The following PRPF6 variants were observed in gnomAD, a reference collection of about 807,000 sequenced individuals.
PRPF6 encodes pre-mRNA processing factor 6, also known as pre-mRNA-processing factor 6.
Under a neutral mutation model 118.3 loss-of-function variants are expected in PRPF6, and 42 were observed. The observed-to-expected ratio is 0.35, with a 90% CI of 0.28 to 0.46. The LOEUF (loss-of-function observed/expected upper bound fraction) is 0.46, where lower values mean the gene tolerates loss of function less well. Among genes scored for constraint, PRPF6 ranks in the 20% least tolerant of loss-of-function variants. The pLI, the probability that PRPF6 is intolerant of heterozygous loss-of-function variation, is 1.00. For missense variants in PRPF6, 662 were observed against 1,255.7 expected (o/e 0.53, Z 7.15); for synonymous variants, 481 against 485.1 (o/e 0.99, Z 0.11).
rs2059290010 is a variant in PRPF6 at position 64,026,228 on chromosome 20, C to CGGGCGCGGTGGCT, written c.2028+171_2028+183dup. On this transcript the variant is annotated intron_variant, in intron 15 of 20. Transcript: ENST00000266079. This position sits in a 1 kb window ranked among gnomAD's most constrained non-coding sequence, Gnocchi z 4.4. ...CATTCATGTGGCCGGGCGTGGTGGC[C>CGGGCGCGGTGGCT]GGGCGCGGTGGCTCACGCCTGTAAT... Among the ~76,000 whole-genome samples the CGGGCGCGGTGGCT allele has an allele frequency of 6.6e-6, 1 of 151,542 alleles. No homozygotes were observed. Among genetic ancestry groups the CGGGCGCGGTGGCT allele is most frequent in the South Asian group, 2.1e-4 (1 of 4,804 alleles).
At chr20:63,996,507 G>T (rs2059141752) in intron 6 of PRPF6, among the ~76,000 whole-genome samples, 2 of 152,162 alleles carry the variant, frequency 1.3e-5, no homozygotes, top group Admixed American at 1.3e-4. Context: ...TTGAGATGGG[G>T]TGTCACTAGG....
chr20:63,990,101 G>A (rs1247090781), intron 3 of PRPF6, among the ~76,000 whole-genome samples: 2 of 151,856 alleles, frequency 1.3e-5, no homozygotes, highest in African/African-American at 4.8e-5. Context: ...TGATCCACCC[G>A]CCTCAGCCTC....
rs376534500 is a variant in PRPF6, at chr20:64,024,319, C to G, written c.1770-236C>G. Among the ~76,000 whole-genome samples the G allele has an allele frequency of 6.1e-3, 922 of 152,324 alleles. 23 individuals carry two copies. The South Asian group carries it at 0.074, about 12-fold the overall frequency. On this transcript the variant is annotated intron_variant, in intron 13 of 20. Coordinates refer to ENST00000266079, the MANE Select transcript of PRPF6 (RefSeq NM_012469.4). ...TCTTGTGAAGTTCGTCTCTCCAGCT[C>G]TGCTATTTAAACAATGCATTCCTTT... is the stretch of plus-strand genomic sequence containing the variant.
In PRPF6 at chr20:64,027,181, G is replaced by A. The variant is rs1243431744; in HGVS notation, c.2205+23G>A. ...GGGGTACGTCTCTGCCTGCACCCTGGGGCTGCAGCTGACCCGGCATTCACA... is the reference window on the plus strand; with the variant it reads ...GGGGTACGTCTCTGCCTGCACCCTGAGGCTGCAGCTGACCCGGCATTCACA... On this transcript the variant is annotated intron_variant, in intron 16 of 20. Coordinates refer to ENST00000266079, the MANE Select transcript of PRPF6 (RefSeq NM_012469.4). The surrounding 1 kb of genome is among the most constrained non-coding windows in gnomAD (Gnocchi z 6.5). The A allele has an allele frequency of 6.2e-7, 1 of 1,611,892 alleles. No individual in the cohort carries two copies. Among genetic ancestry groups the A allele is most frequent in the Non-Finnish European group, 8.5e-7 (1 of 1,179,766 alleles).
chr20:64,013,773 A>G (rs2059225848), intron 11 of PRPF6, among the ~76,000 whole-genome samples: 2 of 152,128 alleles, frequency 1.3e-5, no homozygotes, highest in South Asian at 2.1e-4. Flanking sequence ...CTAGCGTTCT[A>G]CAGAATCCAC....
intron 3 of PRPF6, among the ~76,000 whole-genome samples, 143 bp from the exon 4 acceptor site, chr20:63,993,254 GTGTGTGTGTA>G (rs1343069796): frequency 1.3e-4 from 18 of 140,172 alleles, no homozygotes; most frequent in South Asian, 1.2e-3. Flanking sequence ...GTGTGTGTGT[GTGTGTGTGTA>G]TATGTATATA....
chr20:64,027,176 C>T lies in PRPF6; in HGVS notation c.2205+18C>T. ...ACCAGGGGGTACGTCTCTGCCTGCA[C>T]CCTGGGGCTGCAGCTGACCCGGCAT... On this transcript the variant is annotated intron_variant, in intron 16 of 20. Transcript: ENST00000266079. The surrounding 1 kb of genome is among the most constrained non-coding windows in gnomAD (Gnocchi z 6.5). 4 of 1,612,328 alleles carry T rather than the reference C, an allele frequency of 2.5e-6. No individual in the cohort carries two copies. Among genetic ancestry groups the T allele is most frequent in the Non-Finnish European group, 3.4e-6 (4 of 1,179,860 alleles).
intron 9 of PRPF6, among the ~76,000 whole-genome samples, chr20:64,002,585 C>G (rs1343332098): frequency 6.6e-6 from 1 of 151,972 alleles, no homozygotes; most frequent in East Asian, 1.9e-4. Context: ...ATCCTCCTGC[C>G]TTGGCCTCCC....
intron 9 of PRPF6, among the ~76,000 whole-genome samples, chr20:64,009,709 G>A (rs1433275777): frequency 6.6e-6 from 1 of 152,198 alleles, no homozygotes; most frequent in Middle Eastern, 3.2e-3. Context: ...GCAATAGAAT[G>A]AGACTCTGTC....
At chr20:64,023,276 TGGG>T (rs1359326035) in intron 13 of PRPF6, among the ~76,000 whole-genome samples, 10 of 152,232 alleles carry the variant, frequency 6.6e-5, no homozygotes, top group Non-Finnish European at 1.5e-4. Context: ...GTGCTGGCTT[TGGG>T]TTTTGACTGG....
At chr20:64,018,971 T>C (rs2059251401) in intron 12 of PRPF6, among the ~76,000 whole-genome samples, 1 of 152,164 alleles carries the variant, frequency 6.6e-6, no homozygotes, top group Non-Finnish European at 1.5e-5. Flanking sequence ...GCACCCCGTG[T>C]GGCGTGACCC....
chr20:64,022,731 C>T (rs937081316), intron 12 of PRPF6, 26 bp from the exon 13 acceptor site: 1 of 1,613,882 alleles, frequency 6.2e-7, no homozygotes, highest in African/African-American at 1.3e-5. Context: ...CTGGGCTGCC[C>T]ATTCTCATGT....
In PRPF6 at chr20:64,027,263, G is replaced by T. The variant is rs961645884; in HGVS notation, c.2205+105G>T. 1.3e-5 allele frequency: 18 copies of T among 1,435,732 alleles called. No homozygotes were observed. The East Asian group carries it at 4.4e-4, about 35-fold the overall frequency. 88.9% of individuals were successfully genotyped at this position (1,435,732 alleles called of 1,614,324 possible). A position where few individuals can be genotyped will look rare whatever the true frequency, so the allele number is the denominator to read the frequency against. ...CTTCGCCTCTGAGGAGATGTGGAGG[G>T]CTGGGGGTTACAGCTGATGGAGCTG... On this transcript the variant is annotated intron_variant, in intron 16 of 20. Coordinates refer to ENST00000266079, the MANE Select transcript of PRPF6 (RefSeq NM_012469.4). This position sits in a 1 kb window ranked among gnomAD's most constrained non-coding sequence, Gnocchi z 6.5.
chr20:64,024,027 T>C (rs943535020), intron 13 of PRPF6, among the ~76,000 whole-genome samples: 1 of 152,182 alleles, frequency 6.6e-6, no homozygotes, highest in Non-Finnish European at 1.5e-5. Flanking sequence ...AAAGGGGTCA[T>C]TGATGTGACT....
At chr20:63,993,061 C>T (rs1465460787) in intron 3 of PRPF6, among the ~76,000 whole-genome samples, 2 of 151,558 alleles carry the variant, frequency 1.3e-5, no homozygotes, top group African/African-American at 2.4e-5. Context: ...ACTAAAAACA[C>T]AAAAATTAGC....
At chr20:63,983,764 C>T (rs113096955) in intron 2 of PRPF6, among the ~76,000 whole-genome samples, 2 of 151,388 alleles carry the variant, frequency 1.3e-5, no homozygotes, top group East Asian at 3.9e-4. Context: ...AAGCGATTCT[C>T]CTGCCTCAGT....
Position 64,009,394 on chromosome 20 carries a change from C to T in PRPF6, c.1187-806C>T, listed in dbSNP as rs548534563. Among the ~76,000 whole-genome samples, 10 of 151,398 alleles carry T rather than the reference C, an allele frequency of 6.6e-5. No homozygotes were observed. The South Asian group carries it at 2.1e-3, about 31-fold the overall frequency. On this transcript the variant is annotated intron_variant, in intron 9 of 20. Coordinates refer to ENST00000266079, the MANE Select transcript of PRPF6 (RefSeq NM_012469.4). ...GTGCAGTTTGATGTCTTCACAAGTGCATGCACCCCTGTAACCCACACTCGA... is the reference window on the plus strand; with the variant it reads ...GTGCAGTTTGATGTCTTCACAAGTGTATGCACCCCTGTAACCCACACTCGA...
At chr20:63,999,015 A>C (rs1346392666) in intron 6 of PRPF6, 30 bp from the exon 7 acceptor site, 1 of 1,576,022 alleles carries the variant, frequency 6.3e-7, no homozygotes, top group African/African-American at 1.3e-5. Context: ...GGTCATGTCC[A>C]GCTGACTCTT....
At chr20:63,984,493 A>G (rs2059085053) in intron 2 of PRPF6, among the ~76,000 whole-genome samples, 1 of 152,174 alleles carries the variant, frequency 6.6e-6, no homozygotes, top group Non-Finnish European at 1.5e-5. Flanking sequence ...GCCCCCCCAA[A>G]AAAAAGTTTC....
Sources: allele counts gnomAD v4.1 joint callset (sites outside exome capture counted in the v4.1 genomes callset), GRCh38; gene constraint gnomAD v4.1.1; non-coding constraint Gnocchi (gnomAD v3.1); transcripts MANE v1.5; gene names NCBI Gene and HGNC (gene_info 2026-07-23, HGNC 2026-07-21).